TUSC3: variants seen among roughly 807,000 people sequenced by gnomAD.
TUSC3 encodes the protein tumor suppressor candidate 3, also known as dolichyl-diphosphooligosaccharide--protein glycosyltransferase subunit TUSC3.
Under a neutral mutation model 44.8 loss-of-function variants are expected in TUSC3, and 45 were observed. That is an observed-to-expected ratio of 1.00 (90% CI 0.79 to 1.29). The LOEUF is 1.29. Ranked by LOEUF, TUSC3 falls within the 50% of genes most tolerant of loss-of-function variation. The pLI is 0.00. For missense variants in TUSC3, 519 were observed against 437.9 expected (o/e 1.19, Z -1.65); for synonymous variants, 212 against 152.9 (o/e 1.39, Z -2.85).
chr8:15,463,559 A>C (rs1800375856), intron 1 of TUSC3, among the ~76,000 whole-genome samples: 3 of 152,162 alleles, frequency 2.0e-5, no homozygotes, highest in African/African-American at 7.2e-5. Context: ...AGTGGCAGGA[A>C]GGTAATAGAA....
At chr8:15,796,765 C>T in the TUSC3 span, among the ~76,000 whole-genome samples, 1 of 152,322 alleles carries the variant, frequency 6.6e-6, no homozygotes, top group African/African-American at 2.4e-5. Context: ...TAAGATACTG[C>T]TCAGGCCAGC....
At chr8:15,544,209 A>G (rs1801785942) in intron 1 of TUSC3, among the ~76,000 whole-genome samples, 1 of 152,018 alleles carries the variant, frequency 6.6e-6, no homozygotes, top group Non-Finnish European at 1.5e-5. Context: ...TTGCCTATCT[A>G]GTGCATCTTG....
the TUSC3 span, among the ~76,000 whole-genome samples, chr8:15,813,397 A>AG: frequency 6.6e-6 from 1 of 151,566 alleles, no homozygotes; most frequent in African/African-American, 2.4e-5. Context: ...AACAAAAAAA[A>AG]AAACAGGCAC....
chr8:15,518,766 T>G (rs1801254936), intron 2 of TUSC3, among the ~76,000 whole-genome samples: 1 of 152,120 alleles, frequency 6.6e-6, no homozygotes, highest in African/African-American at 2.4e-5. Flanking sequence ...AAAGGAGCAT[T>G]TAAAGTTAGC....
intron 5 of TUSC3, among the ~76,000 whole-genome samples, chr8:15,670,184 G>C (rs1807881341): frequency 6.6e-6 from 1 of 151,856 alleles, no homozygotes; most frequent in Non-Finnish European, 1.5e-5. Flanking sequence ...TCTTGATCTT[G>C]AGTAGAATTT....
intron 1 of TUSC3, among the ~76,000 whole-genome samples, chr8:15,542,049 G>C (rs924119091): frequency 6.6e-6 from 1 of 151,108 alleles, no homozygotes; most frequent in Non-Finnish European, 1.5e-5. Context: ...CACAGCCTCT[G>C]GAGGTCCTGA....
intron 1 of TUSC3, among the ~76,000 whole-genome samples, chr8:15,477,745 G>T (rs558554155): frequency 1.1e-3 from 166 of 152,132 alleles, no homozygotes; most frequent in African/African-American, 3.6e-3. Context: ...AATAATTATA[G>T]TGAGAAATAT....
At chr8:15,785,686 G>C in the TUSC3 span, among the ~76,000 whole-genome samples, 1 of 152,088 alleles carries the variant, frequency 6.6e-6, no homozygotes, top group African/African-American at 2.4e-5. Flanking sequence ...ATTATTTAAA[G>C]AGATGGACAA....
intron 1 of TUSC3, among the ~76,000 whole-genome samples, chr8:15,608,341 G>C (rs1433402628): frequency 6.6e-6 from 1 of 151,460 alleles, no homozygotes; most frequent in African/African-American, 2.4e-5. Flanking sequence ...GGTGCTTTTT[G>C]TAAACAATAA....
chr8:15,523,339 C>T lies in TUSC3; in HGVS notation n.189+39856C>T, dbSNP rs76281452. On this transcript the variant is annotated intron_variant and non_coding_transcript_variant, in intron 2 of 5. Coordinates refer to the TUSC3 transcript ENST00000503191. ...GAAGCGGCACAGGGATCTCTGAGAG[C>T]GCTATAATGGAGGTATATACCATTT... Among the ~76,000 whole-genome samples, 1,393 of 152,042 alleles carry T rather than the reference C, an allele frequency of 9.2e-3. 11 individuals are homozygous for T. The highest frequency in any genetic ancestry group is 0.022 in the South Asian group (105 of 4,810).
chr8:15,742,566 C>T (rs896707033), intron 7 of TUSC3, among the ~76,000 whole-genome samples: 5 of 152,156 alleles, frequency 3.3e-5, no homozygotes, highest in African/African-American at 9.7e-5. Flanking sequence ...TGGTATATTG[C>T]CCAATACTGT....
chr8:15,658,166 A>G (rs1807258150), intron 3 of TUSC3, among the ~76,000 whole-genome samples: 1 of 152,212 alleles, frequency 6.6e-6, no homozygotes, highest in South Asian at 2.1e-4. Context: ...AATCTTTAGC[A>G]GTAGTGTTTG....
At chr8:15,706,295 A>T (rs1021376960) in intron 6 of TUSC3, among the ~76,000 whole-genome samples, 1 of 134,806 alleles carries the variant, frequency 7.4e-6, no homozygotes, top group African/African-American at 3.9e-5. Context: ...TATGTTGTCA[A>T]TAAGTCAATT....
chr8:15,842,399 C>T, the TUSC3 span, among the ~76,000 whole-genome samples: 1 of 152,170 alleles, frequency 6.6e-6, no homozygotes, highest in Admixed American at 6.5e-5. Flanking sequence ...ACACAAAGCT[C>T]TTAGCACAGT....
Position 15,468,616 on chromosome 8 carries a change from C to T in TUSC3, n.92-14770C>T, listed in dbSNP as rs563318044. On this transcript the variant is annotated intron_variant and non_coding_transcript_variant, in intron 1 of 5. Transcript: ENST00000503191. ...GCCCCCCTCTAATAAACATTTGGGGCTTTAGTAATAATCATCTTGGTTTTA... is the reference window on the plus strand; with the variant it reads ...GCCCCCCTCTAATAAACATTTGGGGTTTTAGTAATAATCATCTTGGTTTTA... Among the ~76,000 whole-genome samples the T allele has an allele frequency of 1.6e-4, 24 of 152,150 alleles. 1 individual carries two copies. Among genetic ancestry groups the T allele is most frequent in the African/African-American group, 5.5e-4 (23 of 41,506 alleles).
At chr8:15,686,794 C>T (rs1432156323) in intron 6 of TUSC3, among the ~76,000 whole-genome samples, 2 of 152,082 alleles carry the variant, frequency 1.3e-5, no homozygotes, top group African/African-American at 2.4e-5. Flanking sequence ...GCTGGCCGGG[C>T]GTGGTGGCTC....
chr8:15,457,545 G>T (rs1043634586), intron 1 of TUSC3, among the ~76,000 whole-genome samples: 3 of 150,760 alleles, frequency 2.0e-5, no homozygotes, highest in Non-Finnish European at 4.4e-5. Context: ...CAGTAATTAC[G>T]CAATCATGAG....
the TUSC3 span, chr8:15,806,814 T>G: frequency 1.1e-6 from 1 of 882,220 alleles, no homozygotes; most frequent in Non-Finnish European, 1.8e-6. Context: ...TGTGAAGAAA[T>G]GAACTTTCCT....
At chr8:15,485,685 G>A (rs1015954750) in intron 2 of TUSC3, among the ~76,000 whole-genome samples, 22 of 152,148 alleles carry the variant, frequency 1.4e-4, no homozygotes, top group Admixed American at 5.2e-4. Flanking sequence ...TGGGAATGAA[G>A]AGTAGGAGGG....
Sources: gnomAD v4.1 joint callset for allele counts (sites outside exome capture counted in the v4.1 genomes callset) on GRCh38, gnomAD v4.1.1 for gene constraint, MANE v1.5 for transcripts, NCBI Gene and HGNC (gene_info 2026-07-23, HGNC 2026-07-21) for gene names.